The following FGF10 variants were observed in gnomAD, a reference collection of about 807,000 sequenced individuals.
The protein encoded by FGF10 is fibroblast growth factor 10, also known as FGF-10.
Under a neutral mutation model 19.8 loss-of-function variants are expected in FGF10, and 2 were observed. The ratio of observed to expected loss-of-function variants is 0.10; its 90% confidence interval spans 0.04 to 0.32. FGF10 has a LOEUF of 0.32. Among genes scored for constraint, FGF10 ranks in the 10% least tolerant of loss-of-function variants. The probability of loss-of-function intolerance (pLI) is 1.00; values close to 1 mark genes in which losing one functional copy is unlikely to be tolerated. For missense variants in FGF10, 191 were observed against 246.3 expected (o/e 0.78, Z 1.50); for synonymous variants, 112 against 94.0 (o/e 1.19, Z -1.10).
Position 44,311,511 on chromosome 5 carries a change from G to C in FGF10, c.326-981C>G, listed in dbSNP as rs1027230726. Among the ~76,000 whole-genome samples the C allele has an allele frequency of 2.0e-5, 3 of 152,024 alleles. No homozygotes were observed. The East Asian group carries it at 5.8e-4, about 29-fold the overall frequency. On this transcript the variant is annotated intron_variant, in intron 1 of 2. Coordinates refer to ENST00000264664, the MANE Select transcript of FGF10 (RefSeq NM_004465.2). Reference sequence around the variant, plus strand: ...CTACATTTATTAGTGAATTACCATAGGAGAAGTCACTGAAGTGTCCCATGA... The same window carrying C: ...CTACATTTATTAGTGAATTACCATACGAGAAGTCACTGAAGTGTCCCATGA...
chr5:44,338,699 T>G (rs895799444), intron 1 of FGF10, among the ~76,000 whole-genome samples: 2 of 152,214 alleles, frequency 1.3e-5, no homozygotes, highest in African/African-American at 4.8e-5. Context: ...GAATTACAAT[T>G]TAAGTTTCTC....
chr5:44,332,123 G>A (rs1249022830), intron 1 of FGF10, among the ~76,000 whole-genome samples: 4 of 152,114 alleles, frequency 2.6e-5, no homozygotes, highest in African/African-American at 9.7e-5. Context: ...TTAGCATCGT[G>A]TTAAAGTCTC....
chr5:44,371,612 A>T (rs564497744), intron 1 of FGF10, among the ~76,000 whole-genome samples: 1 of 152,226 alleles, frequency 6.6e-6, no homozygotes, highest in East Asian at 1.9e-4. Context: ...CAAAGGAAAA[A>T]CAGGCTACTT....
intron 1 of FGF10, among the ~76,000 whole-genome samples, chr5:44,324,249 A>G (rs1339709095): frequency 6.6e-6 from 1 of 152,120 alleles, no homozygotes; most frequent in Non-Finnish European, 1.5e-5. Flanking sequence ...AAAAAAAGAA[A>G]ATTATTGAAC....
At position 44,302,557 on chromosome 5, in the gene FGF10, G is replaced by C. The variant is rs1272165908; in HGVS notation, c.*2438C>G. On this transcript the variant is annotated 3_prime_UTR_variant, in exon 3 of 3. Coordinates refer to ENST00000264664, the MANE Select transcript of FGF10 (RefSeq NM_004465.2). ...TTTGTTTTGTTTTGTTTAAGAGAAG[G>C]ATGTCTCACTAGGTTTCTCAGGCCT... 6.6e-6 allele frequency among the ~76,000 whole-genome samples: 1 copy of C among 151,862 alleles called. No individual in the cohort carries two copies. Among genetic ancestry groups the C allele is most frequent in the Non-Finnish European group, 1.5e-5 (1 of 67,964 alleles).
At chr5:44,348,302 TAAAC>T (rs1256233022) in intron 1 of FGF10, among the ~76,000 whole-genome samples, 1 of 151,680 alleles carries the variant, frequency 6.6e-6, no homozygotes, top group African/African-American at 2.4e-5. Context: ...CCATAAGTAT[TAAAC>T]AAAGTTAACA....
intron 1 of FGF10, among the ~76,000 whole-genome samples, chr5:44,379,800 TTG>T (rs1311337449): frequency 6.6e-6 from 1 of 152,168 alleles, no homozygotes; most frequent in African/African-American, 2.4e-5. Flanking sequence ...TTCAAAACCC[TTG>T]TCTTCATCAC....
intron 1 of FGF10, among the ~76,000 whole-genome samples, chr5:44,331,942 G>A (rs1322255924): frequency 6.6e-6 from 1 of 151,762 alleles, no homozygotes. Context: ...TGCAAGCTGT[G>A]TTCTGATGGC....
In FGF10 at chr5:44,303,883, G is replaced by T. The variant is rs1288560781; in HGVS notation, c.*1112C>A. The stretch of plus-strand genomic sequence containing the variant: ...TTTACAGAGGGTTTTTAGAGATGTG[G>T]ACAGCCTCTTTACCGCCATGACATT... On this transcript the variant is annotated 3_prime_UTR_variant, in exon 3 of 3. Coordinates refer to ENST00000264664, the MANE Select transcript of FGF10 (RefSeq NM_004465.2). The T allele has an allele frequency of 6.6e-6, 1 of 152,136 alleles. No individual in the cohort carries two copies. Among genetic ancestry groups the T allele is most frequent in the Non-Finnish European group, 1.5e-5 (1 of 68,020 alleles). The allele number at this position is 152,136 out of a possible 1,614,324, so 9.4% of individuals were successfully genotyped here.
intron 2 of FGF10, among the ~76,000 whole-genome samples, chr5:44,307,019 G>A (rs1287772313): frequency 6.6e-6 from 1 of 152,074 alleles, no homozygotes; most frequent in South Asian, 2.1e-4. Context: ...AATAAATGGG[G>A]TACAGTTTAG....
chr5:44,367,843 GT>G (rs5867664), intron 1 of FGF10, among the ~76,000 whole-genome samples: 128,758 of 145,454 alleles, frequency 0.89, 57,027 homozygotes, highest in East Asian at 0.99. Flanking sequence ...TTTGTATGCT[GT>G]TTTTTTTTTT....
chr5:44,348,765 T>C (rs1317229008), intron 1 of FGF10, among the ~76,000 whole-genome samples: 1 of 151,628 alleles, frequency 6.6e-6, no homozygotes, highest in African/African-American at 2.4e-5. Context: ...CATATTTAAT[T>C]GGAAGCCATT....
At chr5:44,312,207 C>T (rs1250763118) in intron 1 of FGF10, among the ~76,000 whole-genome samples, 2 of 151,762 alleles carry the variant, frequency 1.3e-5, no homozygotes, top group African/African-American at 4.8e-5. Context: ...CACACACACA[C>T]ACACACACAC....
At chr5:44,377,159 CT>C (rs1741886053) in intron 1 of FGF10, among the ~76,000 whole-genome samples, 1 of 152,204 alleles carries the variant, frequency 6.6e-6, no homozygotes, top group African/African-American at 2.4e-5. Flanking sequence ...TGTTTTATCT[CT>C]GTCTAGCTGG....
chr5:44,359,437 A>C (rs945708244), intron 1 of FGF10, among the ~76,000 whole-genome samples: 3 of 151,426 alleles, frequency 2.0e-5, no homozygotes, highest in East Asian at 3.9e-4. Flanking sequence ...AATCTCAAAA[A>C]CTTCCACATT....
At position 44,382,384 on chromosome 5, in the gene FGF10, T is replaced by C. The variant is rs561005621; in HGVS notation, c.325+5974A>G. 3.6e-4 allele frequency among the ~76,000 whole-genome samples: 55 copies of C among 152,300 alleles called. 2 individuals are homozygous for C. In the South Asian group the frequency reaches 0.011, roughly 31 times the overall value. ...CTATTTGTGTAAAATCTATACAAATTAAGTACTGGGTTTTAAACTGATTCT... is the reference window on the plus strand; with the variant it reads ...CTATTTGTGTAAAATCTATACAAATCAAGTACTGGGTTTTAAACTGATTCT... On this transcript the variant is annotated intron_variant, in intron 1 of 2. Coordinates refer to ENST00000264664, the MANE Select transcript of FGF10 (RefSeq NM_004465.2).
intron 2 of FGF10, among the ~76,000 whole-genome samples, chr5:44,306,256 G>T (rs930596310): frequency 6.6e-6 from 1 of 152,054 alleles, no homozygotes; most frequent in Admixed American, 6.6e-5. Flanking sequence ...AATTAGCCAG[G>T]CGTATTGGTG....
chr5:44,346,444 A>G lies in FGF10; in HGVS notation c.326-35914T>C, dbSNP rs192139528. 3.7e-4 allele frequency among the ~76,000 whole-genome samples: 56 copies of G among 151,930 alleles called. 1 individual carries two copies. Among genetic ancestry groups the G allele is most frequent in the African/African-American group, 1.3e-3 (53 of 41,504 alleles). ...AATTAATTTTGGAGATAACATCACT[A>G]CTTAGTTAGAATAAATGTCAGATTT... is the stretch of plus-strand genomic sequence containing the variant. On this transcript the variant is annotated intron_variant, in intron 1 of 2. Transcript: ENST00000264664.
At chr5:44,310,590 T>G in intron 1 of FGF10, 60 bp from the exon 2 acceptor site, 1 of 1,277,434 alleles carries the variant, frequency 7.8e-7, no homozygotes, top group Non-Finnish European at 1.1e-6. Flanking sequence ...GGAAGAAAAG[T>G]AAAATCAAAA....
Sources: allele counts gnomAD v4.1 joint callset (sites outside exome capture counted in the v4.1 genomes callset), GRCh38; gene constraint gnomAD v4.1.1; transcripts MANE v1.5; gene names NCBI Gene and HGNC (gene_info 2026-07-23, HGNC 2026-07-21).